Variants in MAGI1 observed in about 807,000 individuals in gnomAD.
The protein encoded by MAGI1 is membrane associated guanylate kinase, WW and PDZ domain containing 1, also known as membrane-associated guanylate kinase, WW and PDZ domain-containing protein 1.
Under a neutral mutation model 139.9 loss-of-function variants are expected in MAGI1, and 58 were observed. The observed-to-expected ratio is 0.41, with a 90% CI of 0.34 to 0.52. MAGI1 has a LOEUF of 0.52. Ranked by LOEUF, MAGI1 falls within the 20% of genes least tolerant of loss-of-function variation. The probability of loss-of-function intolerance (pLI) is 0.12; values close to 1 mark genes in which losing one functional copy is unlikely to be tolerated. For synonymous variants in MAGI1, 812 were observed against 737.9 expected (o/e 1.10, Z -1.63); for missense variants, 1,874 against 1,901.6 (o/e 0.99, Z 0.27).
At chr3:65,685,844 A>T (rs2087980176) in intron 1 of MAGI1, among the ~76,000 whole-genome samples, 1 of 152,208 alleles carries the variant, frequency 6.6e-6, no homozygotes, top group Non-Finnish European at 1.5e-5. Context: ...ACAGAAATTA[A>T]GCTGGAAAAA....
chr3:65,819,002 T>C (rs183497687), intron 1 of MAGI1, among the ~76,000 whole-genome samples: 3 of 152,096 alleles, frequency 2.0e-5, no homozygotes, highest in East Asian at 3.9e-4. Context: ...ACAAGGCATA[T>C]GGTCCAGGAA....
At chr3:65,616,274 G>C (rs1650934816) in intron 2 of MAGI1, among the ~76,000 whole-genome samples, 1 of 152,132 alleles carries the variant, frequency 6.6e-6, no homozygotes, top group Non-Finnish European at 1.5e-5. Flanking sequence ...CCGTATCACA[G>C]ACAAGCCAAG....
intron 1 of MAGI1, among the ~76,000 whole-genome samples, chr3:65,704,360 A>G (rs772708478): frequency 5.3e-5 from 8 of 152,108 alleles, no homozygotes; most frequent in Non-Finnish European, 1.0e-4. Flanking sequence ...CCAAGTGTCA[A>G]CTCAACTGCC....
intron 1 of MAGI1, among the ~76,000 whole-genome samples, chr3:66,017,702 G>C (rs2107534914): frequency 6.6e-6 from 1 of 152,288 alleles, no homozygotes; most frequent in Non-Finnish European, 1.5e-5. Flanking sequence ...TGCAAAGCCT[G>C]AGTAGAGAGG....
At chr3:65,820,602 T>A (rs1213643760) in intron 1 of MAGI1, among the ~76,000 whole-genome samples, 7 of 152,128 alleles carry the variant, frequency 4.6e-5, no homozygotes, top group African/African-American at 1.7e-4. Context: ...ATTTCTTAAG[T>A]CTATTCATGC....
chr3:65,989,248 G>T (rs2066038465), intron 1 of MAGI1, among the ~76,000 whole-genome samples: 1 of 152,216 alleles, frequency 6.6e-6, no homozygotes, highest in South Asian at 2.1e-4. Context: ...CAGGTAGAGA[G>T]TGAAGATGGG....
At chr3:65,401,975 A>C in intron 12 of MAGI1, 2 of 822,118 alleles carry the variant, frequency 2.4e-6, no homozygotes, top group Non-Finnish European at 2.9e-6. Context: ...TGCCTTTCGG[A>C]AGAGGAAATG....
At chr3:65,387,446 G>C (rs1390167712) in intron 14 of MAGI1, among the ~76,000 whole-genome samples, 1 of 150,312 alleles carries the variant, frequency 6.7e-6, no homozygotes, top group Non-Finnish European at 1.5e-5. Flanking sequence ...TTGCACCACT[G>C]AGAGTTTCCT....
chr3:65,722,484 T>A (rs1216684539), intron 1 of MAGI1, among the ~76,000 whole-genome samples: 1 of 145,476 alleles, frequency 6.9e-6, no homozygotes, highest in Non-Finnish European at 1.5e-5. Flanking sequence ...AAAAAAAAAA[T>A]TAGCTAGACA....
chr3:65,591,544 A>G (rs2081964491), intron 2 of MAGI1, among the ~76,000 whole-genome samples: 1 of 151,638 alleles, frequency 6.6e-6, no homozygotes. Context: ...TCATCCTACT[A>G]CCTTCAGTGA....
chr3:65,922,880 A>T (rs113454126), intron 1 of MAGI1, among the ~76,000 whole-genome samples: 59 of 152,274 alleles, frequency 3.9e-4, no homozygotes, highest in African/African-American at 1.4e-3. Context: ...TCTTTAGAAG[A>T]CCCAACTTAC....
At chr3:65,540,491 A>G (rs1043478899) in intron 2 of MAGI1, among the ~76,000 whole-genome samples, 1 of 152,210 alleles carries the variant, frequency 6.6e-6, no homozygotes, top group Non-Finnish European at 1.5e-5. Flanking sequence ...GCAGGATGGT[A>G]GAATGAATAT....
chr3:65,668,481 A>G (rs1186094166), intron 1 of MAGI1, among the ~76,000 whole-genome samples: 1 of 152,154 alleles, frequency 6.6e-6, no homozygotes, highest in Non-Finnish European at 1.5e-5. Flanking sequence ...TTAAAAATAT[A>G]AACTTTATTT....
At chr3:65,749,986 G>A (rs1203986126) in intron 1 of MAGI1, among the ~76,000 whole-genome samples, 3 of 152,144 alleles carry the variant, frequency 2.0e-5, no homozygotes, top group African/African-American at 2.4e-5. Flanking sequence ...GAGAGATGGG[G>A]TCAGGAAGGC....
chr3:65,413,375 C>G (rs905457910), intron 12 of MAGI1, among the ~76,000 whole-genome samples: 7 of 152,164 alleles, frequency 4.6e-5, no homozygotes, highest in Non-Finnish European at 7.3e-5. Context: ...TGGTTAACAA[C>G]AGCAAGGCGA....
intron 2 of MAGI1, among the ~76,000 whole-genome samples, chr3:65,504,257 A>C (rs1438761611): frequency 6.6e-6 from 1 of 152,206 alleles, no homozygotes; most frequent in African/African-American, 2.4e-5. Context: ...TGTGAGACCA[A>C]ATACATTCAT....
At chr3:65,859,062 G>A (rs1433691316) in intron 1 of MAGI1, among the ~76,000 whole-genome samples, 1 of 152,342 alleles carries the variant, frequency 6.6e-6, no homozygotes, top group South Asian at 2.1e-4. Context: ...GCTAGGCATG[G>A]TGGCTTACGC....
intron 1 of MAGI1, among the ~76,000 whole-genome samples, chr3:65,915,683 T>C (rs2061866767): frequency 6.6e-6 from 1 of 152,190 alleles, no homozygotes; most frequent in Admixed American, 6.5e-5. Context: ...AAGTGGCACG[T>C]AGTTCCATCA....
chr3:65,597,645 C>T, intron 2 of MAGI1: 1 of 455,448 alleles, frequency 2.2e-6, no homozygotes, highest in Non-Finnish European at 4.4e-6. Flanking sequence ...ACGGCATCTT[C>T]ACCTCCATGG....
Sources: allele counts gnomAD v4.1 joint callset (sites outside exome capture counted in the v4.1 genomes callset), GRCh38; gene constraint gnomAD v4.1.1; transcripts MANE v1.5; gene names NCBI Gene and HGNC (gene_info 2026-07-23, HGNC 2026-07-21).